The following MYO9A variants were observed in gnomAD, a reference collection of about 807,000 sequenced individuals.
The protein encoded by MYO9A is unconventional myosin-IXa.
MYO9A carries 103 observed loss-of-function variants against 293.3 expected under a neutral mutation model. The ratio of observed to expected loss-of-function variants is 0.35; its 90% CI spans 0.30 to 0.41. The LOEUF (loss-of-function observed/expected upper bound fraction) is 0.41, where lower values mean the gene tolerates loss of function less well. Among genes scored for constraint, MYO9A ranks in the 10% least tolerant of loss-of-function variants. The probability of loss-of-function intolerance (pLI) is 1.00; values close to 1 mark genes in which losing one functional copy is unlikely to be tolerated. For missense variants in MYO9A, 2,685 were observed against 3,033.0 expected (o/e 0.89, Z 2.69); for synonymous variants, 1,001 against 1,035.7 (o/e 0.97, Z 0.64).
chr15:72,101,931 G>A (rs1436576052), intron 1 of MYO9A, among the ~76,000 whole-genome samples: 15 of 152,196 alleles, frequency 9.9e-5, no homozygotes, highest in Middle Eastern at 3.4e-3. Context: ...CTGCCCGGCC[G>A]CCCCTACTGG....
chr15:71,978,124 A>C, intron 12 of MYO9A, 47 bp downstream of exon 12: 1 of 1,600,132 alleles, frequency 6.2e-7, no homozygotes, highest in South Asian at 1.1e-5. Context: ...AAAAGGAGAT[A>C]AAAAGCCAAA....
intron 1 of MYO9A, among the ~76,000 whole-genome samples, chr15:72,059,647 T>C (rs1367036476): frequency 1.3e-5 from 2 of 152,240 alleles, no homozygotes; most frequent in Non-Finnish European, 2.9e-5. Context: ...AGTGAGGCTT[T>C]CTGAACATTG....
intron 15 of MYO9A, among the ~76,000 whole-genome samples, chr15:71,942,076 A>G (rs2058791995): frequency 1.3e-5 from 2 of 152,168 alleles, no homozygotes; most frequent in South Asian, 4.1e-4. Flanking sequence ...TACATTATAT[A>G]TAATCATATA....
At chr15:72,083,337 C>G (rs1262526356) in intron 1 of MYO9A, among the ~76,000 whole-genome samples, 1 of 151,972 alleles carries the variant, frequency 6.6e-6, no homozygotes, top group East Asian at 1.9e-4. Flanking sequence ...GATGATTATT[C>G]CTATTTCTGT....
intron 2 of MYO9A, among the ~76,000 whole-genome samples, chr15:72,035,784 GAC>G (rs2078027978): frequency 6.6e-6 from 1 of 152,060 alleles, no homozygotes; most frequent in Non-Finnish European, 1.5e-5. Flanking sequence ...CAGCCAGGGT[GAC>G]AGACTGAAAC....
At chr15:71,927,714 T>C (rs759448732) in intron 18 of MYO9A, among the ~76,000 whole-genome samples, 22 of 151,962 alleles carry the variant, frequency 1.4e-4, no homozygotes, top group Non-Finnish European at 2.5e-4. Flanking sequence ...TAAGCGGACC[T>C]GCACAGCTCA....
intron 1 of MYO9A, among the ~76,000 whole-genome samples, chr15:72,090,242 C>A (rs920094369): frequency 2.0e-5 from 3 of 152,108 alleles, no homozygotes; most frequent in African/African-American, 4.8e-5. Context: ...AGAAGTTCTT[C>A]TTTTAATACT....
chr15:72,009,176 G>A (rs934284888), intron 7 of MYO9A, among the ~76,000 whole-genome samples: 7 of 152,078 alleles, frequency 4.6e-5, no homozygotes, highest in Non-Finnish European at 8.8e-5. Flanking sequence ...ACAAATTCAT[G>A]AGCCTCTTTT....
intron 1 of MYO9A, among the ~76,000 whole-genome samples, chr15:72,079,593 A>G (rs1354285665): frequency 1.3e-5 from 2 of 152,212 alleles, no homozygotes; most frequent in East Asian, 3.8e-4. Context: ...ATATGAAAAC[A>G]CATATACCAA....
intron 18 of MYO9A, among the ~76,000 whole-genome samples, chr15:71,928,472 G>A (rs1406463553): frequency 1.3e-5 from 2 of 151,600 alleles, no homozygotes; most frequent in African/African-American, 4.8e-5. Flanking sequence ...TTTTATTTCT[G>A]TGAAAAATGA....
chr15:71,883,139 T>A (rs528273826), intron 28 of MYO9A, among the ~76,000 whole-genome samples: 1 of 152,144 alleles, frequency 6.6e-6, no homozygotes, highest in African/African-American at 2.4e-5. Flanking sequence ...AGTTTTCTCA[T>A]CCATAAATTG....
rs923555035 is a variant in MYO9A, at chr15:71,824,835, C to G, written c.*1745G>C. 3 of 152,138 alleles carry G rather than the reference C, an allele frequency of 2.0e-5. No homozygotes were observed. The highest frequency in any genetic ancestry group is 7.2e-5 in the African/African-American group (3 of 41,428). 9.4% of individuals were successfully genotyped at this position (152,138 alleles called of 1,614,324 possible). Reference sequence around the variant, plus strand: ...ACTCCTGCTACCTTTAGCTGCCACTCAGAATTATGCTCCAAGTCTAACCTC... The same window carrying G: ...ACTCCTGCTACCTTTAGCTGCCACTGAGAATTATGCTCCAAGTCTAACCTC... On this transcript the variant is annotated 3_prime_UTR_variant, in exon 42 of 42. Transcript: ENST00000356056.
rs371846640 is a variant in MYO9A at position 71,878,163 on chromosome 15, C to T, written c.5808G>A (p.Thr1936=). The T allele has an allele frequency of 3.7e-6, 6 of 1,612,126 alleles. No individual in the cohort carries two copies. The African/African-American group carries it at 8.0e-5, about 22-fold the overall frequency. Reference sequence around the variant, plus strand: ...GTGAATCACGCTGCTCAAGCCTCATCGTCTTTTCCAGAATCTGTTCAAATA... The same window carrying T: ...GTGAATCACGCTGCTCAAGCCTCATTGTCTTTTCCAGAATCTGTTCAAATA... ...YALFEQILEK[T]MRLEQRDSLG... Residue 1936 remains threonine, a synonymous_variant, in exon 31 of 42, where the codon ACG becomes ACA. Transcript: ENST00000356056.
chr15:72,063,661 T>C (rs964782203), intron 1 of MYO9A, among the ~76,000 whole-genome samples: 3 of 152,284 alleles, frequency 2.0e-5, no homozygotes, highest in African/African-American at 4.8e-5. Flanking sequence ...CAACAAATGC[T>C]GGCAAGGATG....
At chr15:72,053,541 A>G (rs1566989120) in intron 1 of MYO9A, among the ~76,000 whole-genome samples, 1 of 152,240 alleles carries the variant, frequency 6.6e-6, no homozygotes, top group African/African-American at 2.4e-5. Flanking sequence ...CCATTATCCT[A>G]AGCAAACTAA....
At chr15:72,026,126 AGCCAGGC>A (rs949955515) in intron 4 of MYO9A, among the ~76,000 whole-genome samples, 7 of 152,042 alleles carry the variant, frequency 4.6e-5, no homozygotes, top group African/African-American at 1.7e-4. Context: ...ACAAAAAATT[AGCCAGGC>A]GTGATGGCAG....
intron 1 of MYO9A, among the ~76,000 whole-genome samples, chr15:72,077,754 TATATATATA>T (rs1426599609): frequency 4.8e-5 from 1 of 21,040 alleles, no homozygotes; most frequent in Non-Finnish European, 1.2e-4. Flanking sequence ...AAAAAAAAAA[TATATATATA>T]TATATATATA....
At position 71,824,562 on chromosome 15, in the gene MYO9A, G is replaced by A. The variant is rs772975542; in HGVS notation, c.*2018C>T. ...AGACTGTGCAACCTGGCACGGGGCT[G>A]AGGAACCAGCAATCCCACTCTAACA... On this transcript the variant is annotated 3_prime_UTR_variant, in exon 42 of 42. Transcript: ENST00000356056. 6.6e-6 allele frequency: 1 copy of A among 152,216 alleles called. No individual in the cohort carries two copies. The highest frequency in any genetic ancestry group is 2.4e-5 in the African/African-American group (1 of 41,448). The allele number at this position is 152,216 out of a possible 1,614,324, so 9.4% of individuals were successfully genotyped here. A position where few individuals can be genotyped will look rare whatever the true frequency, so the allele number is the denominator to read the frequency against.
Position 71,833,361 on chromosome 15 carries a change from C to T in MYO9A, c.6838-3050G>A, listed in dbSNP as rs925540582. Among the ~76,000 whole-genome samples the T allele has an allele frequency of 2.0e-5, 3 of 151,936 alleles. No homozygotes were observed. In the South Asian group the frequency reaches 6.2e-4, roughly 31 times the overall value. ...CTATATTAACTGTAAACAAAGTAAA[C>T]TTTAAGAAGTATTACCTGTGATAAA... On this transcript the variant is annotated intron_variant, in intron 39 of 41. Coordinates refer to ENST00000356056, the MANE Select transcript of MYO9A (RefSeq NM_006901.4).
Sources: gnomAD v4.1 joint callset for allele counts (sites outside exome capture counted in the v4.1 genomes callset) on GRCh38, gnomAD v4.1.1 for gene constraint, MANE v1.5 for transcripts, NCBI Gene and HGNC (gene_info 2026-07-23, HGNC 2026-07-21) for gene names.